Variants in IMMP2L observed in about 807,000 individuals in gnomAD.
The protein encoded by IMMP2L is mitochondrial inner membrane protease subunit 2.
In IMMP2L, 18 loss-of-function variants were observed where a neutral mutation model predicts 19.3. That is an observed-to-expected ratio of 0.93 (90% CI 0.64 to 1.38). The LOEUF is 1.38. Among genes scored for constraint, IMMP2L ranks in the 40% most tolerant of loss-of-function variants. The probability of loss-of-function intolerance (pLI) is 0.00; values close to 1 mark genes in which losing one functional copy is unlikely to be tolerated. For synonymous variants in IMMP2L, 76 were observed against 73.0 expected (o/e 1.04, Z -0.21); for missense variants, 233 against 218.2 (o/e 1.07, Z -0.43).
At chr7:111,124,896 C>T in intron 3 of IMMP2L, 1 of 1,517,536 alleles carries the variant, frequency 6.6e-7, no homozygotes, top group Non-Finnish European at 8.8e-7. Flanking sequence ...CAAATATGTC[C>T]TAAAAACCAC....
At chr7:110,952,385 C>G (rs1238858728) in intron 4 of IMMP2L, among the ~76,000 whole-genome samples, 1 of 152,118 alleles carries the variant, frequency 6.6e-6, no homozygotes, top group East Asian at 1.9e-4. Context: ...AAAACTCCCA[C>G]ACATTTAGCA....
At chr7:110,953,054 C>T (rs1379961682) in intron 4 of IMMP2L, among the ~76,000 whole-genome samples, 1 of 152,030 alleles carries the variant, frequency 6.6e-6, no homozygotes, top group African/African-American at 2.4e-5. Flanking sequence ...GCTAGTGTAA[C>T]AGATATGGGG....
Position 111,199,305 on chromosome 7 carries a change from A to G in IMMP2L, c.240-235740T>C, listed in dbSNP as rs375691906. Among the ~76,000 whole-genome samples, 35 of 152,316 alleles carry G rather than the reference A, an allele frequency of 2.3e-4. 1 individual carries two copies. Among genetic ancestry groups the G allele is most frequent in the East Asian group, 1.7e-3 (9 of 5,186 alleles). ...TTAAAGTTCTTTGATTCTAAAACTA[A>G]GAGTAACTGGACAACCTGTCAGTTC... On this transcript the variant is annotated intron_variant, in intron 3 of 5. Coordinates refer to ENST00000405709, the MANE Select transcript of IMMP2L (RefSeq NM_032549.4).
In IMMP2L at chr7:110,728,342, T is replaced by C. The variant is rs567096997; in HGVS notation, c.409-64621A>G. Among the ~76,000 whole-genome samples the C allele has an allele frequency of 2.6e-5, 4 of 151,738 alleles. No homozygotes were observed. In the East Asian group the frequency reaches 5.8e-4, roughly 22 times the overall value. On this transcript the variant is annotated intron_variant, in intron 5 of 5. Transcript: ENST00000405709. This position sits in a 1 kb window ranked among gnomAD's most constrained non-coding sequence, Gnocchi z 4.6. ...GGCAAAACCCTGTATCTATAAAATA[T>C]ATAAAAATTAGCTGGGCATAGTGGT...
At chr7:111,215,497 T>C (rs190569885) in intron 3 of IMMP2L, among the ~76,000 whole-genome samples, 2 of 152,262 alleles carry the variant, frequency 1.3e-5, no homozygotes, top group East Asian at 1.9e-4. Flanking sequence ...CAAGATCAAA[T>C]TTACTACACA....
At chr7:111,225,245 T>C (rs1489160642) in intron 3 of IMMP2L, among the ~76,000 whole-genome samples, 6 of 152,100 alleles carry the variant, frequency 3.9e-5, no homozygotes, top group Non-Finnish European at 7.4e-5. Context: ...AAGCAAAAAG[T>C]AGAAGTTTGA....
chr7:111,122,173 G>A (rs1189834935), intron 3 of IMMP2L, among the ~76,000 whole-genome samples: 1 of 151,852 alleles, frequency 6.6e-6, no homozygotes, highest in Non-Finnish European at 1.5e-5. Context: ...GTATACATAT[G>A]TAACAAACCT....
At chr7:111,397,394 C>T (rs544284071) in intron 3 of IMMP2L, among the ~76,000 whole-genome samples, 36 of 152,150 alleles carry the variant, frequency 2.4e-4, no homozygotes, top group African/African-American at 7.9e-4. Flanking sequence ...CAGTTACTAC[C>T]ATAATAATGC....
intron 5 of IMMP2L, among the ~76,000 whole-genome samples, chr7:110,749,169 A>T (rs568055907): frequency 6.6e-6 from 1 of 152,264 alleles, no homozygotes; most frequent in Non-Finnish European, 1.5e-5. Context: ...TGGTCATTAG[A>T]GAAATGCAAA....
At chr7:111,086,725 G>A (rs1406879308) in intron 3 of IMMP2L, among the ~76,000 whole-genome samples, 1 of 152,120 alleles carries the variant, frequency 6.6e-6, no homozygotes, top group Non-Finnish European at 1.5e-5. Context: ...CACCATCAGT[G>A]ACTCATTCAT....
At chr7:111,503,352 C>G (rs1003403668) in intron 2 of IMMP2L, among the ~76,000 whole-genome samples, 2 of 152,000 alleles carry the variant, frequency 1.3e-5, no homozygotes, top group Non-Finnish European at 2.9e-5. Flanking sequence ...AAAAAAAGTC[C>G]AGGACCAGAT....
At position 111,090,785 on chromosome 7, in the gene IMMP2L, A is replaced by T. The variant is rs190781208; in HGVS notation, c.240-127220T>A. ...GTTTGAGTCTCTACCAGGTGTTTTTAATATTTAGGAAATCCTTATCAGTAG... is the reference window on the plus strand; with the variant it reads ...GTTTGAGTCTCTACCAGGTGTTTTTTATATTTAGGAAATCCTTATCAGTAG... On this transcript the variant is annotated intron_variant, in intron 3 of 5. Coordinates refer to ENST00000405709, the MANE Select transcript of IMMP2L (RefSeq NM_032549.4). 3.9e-5 allele frequency among the ~76,000 whole-genome samples: 6 copies of T among 152,276 alleles called. No individual in the cohort carries two copies. The East Asian group carries it at 1.2e-3, about 29-fold the overall frequency.
intron 1 of IMMP2L, among the ~76,000 whole-genome samples, chr7:111,560,979 T>C (rs1303114038): frequency 6.6e-6 from 1 of 152,208 alleles, no homozygotes; most frequent in Non-Finnish European, 1.5e-5. Context: ...GAATGCAGTT[T>C]TACTACATTC....
At chr7:110,858,736 A>G (rs1224094967) in intron 5 of IMMP2L, among the ~76,000 whole-genome samples, 1 of 151,864 alleles carries the variant, frequency 6.6e-6, no homozygotes, top group African/African-American at 2.4e-5. Flanking sequence ...TATATCTCCT[A>G]ATGCTATCCC....
At chr7:110,766,697 T>C (rs1249765709) in intron 5 of IMMP2L, among the ~76,000 whole-genome samples, 1 of 152,122 alleles carries the variant, frequency 6.6e-6, no homozygotes, top group African/African-American at 2.4e-5. Flanking sequence ...TTTTTAATCC[T>C]TTTTGAATGG....
At chr7:110,951,658 C>G (rs1163864652) in intron 4 of IMMP2L, among the ~76,000 whole-genome samples, 8 of 151,724 alleles carry the variant, frequency 5.3e-5, no homozygotes, top group Non-Finnish European at 8.8e-5. Flanking sequence ...ACTCAGAAAT[C>G]AATAACTTTG....
chr7:110,720,241 A>T (rs1795483006), intron 5 of IMMP2L, among the ~76,000 whole-genome samples: 1 of 152,166 alleles, frequency 6.6e-6, no homozygotes, highest in South Asian at 2.1e-4. Context: ...TGTGGCTGTT[A>T]AGAGGCTTAT....
chr7:110,764,629 T>C (rs1371254880), intron 5 of IMMP2L, among the ~76,000 whole-genome samples: 2 of 152,060 alleles, frequency 1.3e-5, no homozygotes, highest in Non-Finnish European at 2.9e-5. Flanking sequence ...TTTTGAAATA[T>C]TTGCTCATAA....
intron 5 of IMMP2L, among the ~76,000 whole-genome samples, chr7:110,805,156 T>G (rs544352877): frequency 2.6e-4 from 40 of 152,216 alleles, no homozygotes; most frequent in African/African-American, 8.9e-4. Flanking sequence ...AAAGTCCTAC[T>G]GAATAAATAA....
Sources: allele counts gnomAD v4.1 joint callset (sites outside exome capture counted in the v4.1 genomes callset), GRCh38; gene constraint gnomAD v4.1.1; non-coding constraint Gnocchi (gnomAD v3.1); transcripts MANE v1.5; gene names NCBI Gene and HGNC (gene_info 2026-07-23, HGNC 2026-07-21).